UGT1A5: variants seen among roughly 807,000 people sequenced by gnomAD.
UGT1A5 encodes UDP glucuronosyltransferase family 1 member A5, also known as UDP-glucuronosyltransferase 1A5.
A neutral mutation model predicts 40.3 loss-of-function variants in UGT1A5; 29 were observed. That is an observed-to-expected ratio of 0.72 (90% CI 0.54 to 0.98). The LOEUF (loss-of-function observed/expected upper bound fraction) is 0.98, where lower values mean the gene tolerates loss of function less well. Among genes scored for constraint, UGT1A5 ranks in the 50% least tolerant of loss-of-function variants. The pLI, the probability that UGT1A5 is intolerant of heterozygous loss-of-function variation, is 0.00. For missense variants in UGT1A5, 678 were observed against 677.9 expected, an observed-to-expected ratio of 1.00 and a Z score of 0.00; for synonymous variants, 257 against 262.5, an observed-to-expected ratio of 0.98 and a Z score of 0.20.
chr2:233,722,527 A>G (rs1427229559), intron 1 of UGT1A5, among the ~76,000 whole-genome samples: 1 of 152,148 alleles, frequency 6.6e-6, no homozygotes, highest in African/African-American at 2.4e-5. Context: ...TTTTTGCCTT[A>G]ATGATTTCAT....
At chr2:233,738,209 A>G (rs1479952122) in intron 1 of UGT1A5, among the ~76,000 whole-genome samples, 2 of 152,090 alleles carry the variant, frequency 1.3e-5, no homozygotes, top group Admixed American at 6.5e-5. Flanking sequence ...ACTTTCTGCC[A>G]GGATTATAAG....
At chr2:233,761,013 G>A in intron 1 of UGT1A5, 1 of 1,614,176 alleles carries the variant, frequency 6.2e-7, no homozygotes, top group Non-Finnish European at 8.5e-7. Flanking sequence ...AGAGAGAGGT[G>A]ACTGTCCAGG....
intron 1 of UGT1A5, chr2:233,719,191 T>A (rs1353737147): frequency 6.2e-7 from 1 of 1,614,228 alleles, no homozygotes; most frequent in Admixed American, 1.7e-5. Context: ...TCTTTGGCCC[T>A]TCATAGGTGT....
At chr2:233,724,012 T>G (rs1202631633) in intron 1 of UGT1A5, among the ~76,000 whole-genome samples, 1 of 75,726 alleles carries the variant, frequency 1.3e-5, no homozygotes, top group East Asian at 3.2e-4. Context: ...AAGCCGCCAT[T>G]GTCATCCTGG....
At position 233,750,642 on chromosome 2, in the gene UGT1A5, C is replaced by G. The variant is rs1227116452; in HGVS notation, c.868-16392C>G. 2.7e-5 allele frequency: 4 copies of G among 149,396 alleles called. 1 individual carries two copies. The highest frequency in any genetic ancestry group is 1.0e-4 in the African/African-American group (4 of 38,716). 9.3% of individuals were successfully genotyped at this position (149,396 alleles called of 1,614,324 possible). On this transcript the variant is annotated intron_variant, in intron 1 of 4. Transcript: ENST00000373414. ...GGGTCCATGCTCCCCCTGCTGTGTGCAGCCTCAGGACTTGGTGCCCTGTGT... is the reference window on the plus strand; with the variant it reads ...GGGTCCATGCTCCCCCTGCTGTGTGGAGCCTCAGGACTTGGTGCCCTGTGT...
rs34150486 is a variant in UGT1A5, at chr2:233,743,623, G to A, written c.868-23411G>A. 20 of 1,367,332 alleles carry A rather than the reference G, an allele frequency of 1.5e-5. No homozygotes were observed. In the South Asian group the frequency reaches 1.8e-4, roughly 12 times the overall value. 84.7% of individuals were successfully genotyped at this position (1,367,332 alleles called of 1,614,324 possible). A position where few individuals can be genotyped will look rare whatever the true frequency, so the allele number is the denominator to read the frequency against. ...GGCCGCCGAAGAACTCCCTGAAGAC[G>A]TCGGCTGGGTCGCGGAAGCTGAAGA... On this transcript the variant is annotated intron_variant, in intron 1 of 4. Transcript: ENST00000373414.
chr2:233,741,046 C>A (rs1691547003), intron 1 of UGT1A5, among the ~76,000 whole-genome samples: 1 of 151,736 alleles, frequency 6.6e-6, no homozygotes, highest in African/African-American at 2.4e-5. Context: ...ATGATCTTGC[C>A]TAGGTAACAG....
chr2:233,764,438 T>C (rs1160972363), intron 1 of UGT1A5, among the ~76,000 whole-genome samples: 2 of 152,224 alleles, frequency 1.3e-5, no homozygotes, highest in Non-Finnish European at 2.9e-5. Context: ...GATGAACTTT[T>C]GTGCCATTTA....
intron 1 of UGT1A5, chr2:233,748,001 G>A: frequency 6.2e-7 from 1 of 1,613,512 alleles, no homozygotes; most frequent in Non-Finnish European, 8.5e-7. Context: ...ACTTTGTGAT[G>A]GATTACCCCA....
rs1467749451 is a variant in UGT1A5, at chr2:233,713,866, T to C, written c.867+8T>C. The C allele has an allele frequency of 2.5e-6, 4 of 1,613,892 alleles. No individual in the cohort carries two copies. Among genetic ancestry groups the C allele is most frequent in the Non-Finnish European group, 3.4e-6 (4 of 1,179,936 alleles). On this transcript the variant is annotated splice_region_variant and intron_variant, in intron 1 of 4. Transcript: ENST00000373414. ...GGGAAGCCACTATCTCAGGTCTGTA[T>C]TGGTGCCTTTATCCAATCAATGTTC...
In UGT1A5 at chr2:233,772,560, G is replaced by A. The variant is rs773424672; in HGVS notation, c.*1G>A. On this transcript the variant is annotated 3_prime_UTR_variant, in exon 5 of 5. Coordinates refer to ENST00000373414, the MANE Select transcript of UGT1A5 (RefSeq NM_019078.2). Reference sequence around the variant, plus strand: ...AGCCCACAAATCCAAGACCCATTGAGAAGTGGGTGGGAAATAAGGTAAAAT... The same window carrying A: ...AGCCCACAAATCCAAGACCCATTGAAAAGTGGGTGGGAAATAAGGTAAAAT... 4 of 1,613,722 alleles carry A rather than the reference G, an allele frequency of 2.5e-6. No homozygotes were observed. The South Asian group carries it at 3.3e-5, about 13-fold the overall frequency.
intron 1 of UGT1A5, chr2:233,756,054 A>G (rs530980162): frequency 6.6e-6 from 1 of 152,352 alleles, no homozygotes; most frequent in East Asian, 1.9e-4. Flanking sequence ...ACTCCACTGT[A>G]CACTTGTGGG....
chr2:233,762,662 A>G (rs1559409315), intron 1 of UGT1A5, among the ~76,000 whole-genome samples: 1 of 152,070 alleles, frequency 6.6e-6, no homozygotes, highest in Non-Finnish European at 1.5e-5. Flanking sequence ...TTTGTAGTTT[A>G]AAAAACATTT....
chr2:233,724,170 C>G (rs1159618034), intron 1 of UGT1A5, among the ~76,000 whole-genome samples: 4 of 122,852 alleles, frequency 3.3e-5, no homozygotes, highest in Admixed American at 7.6e-5. Flanking sequence ...GCTGACCCCC[C>G]CATCTCCCTC....
intron 1 of UGT1A5, chr2:233,760,635 A>G (rs1697508597): frequency 6.2e-7 from 1 of 1,614,006 alleles, no homozygotes; most frequent in African/African-American, 1.3e-5. Context: ...ACAAGAAAAT[A>G]AAAAAGGACT....
Position 233,769,754 on chromosome 2 carries a change from C to T in UGT1A5, c.1307+1315C>T. On this transcript the variant is annotated intron_variant, in intron 4 of 4. Coordinates refer to ENST00000373414, the MANE Select transcript of UGT1A5 (RefSeq NM_019078.2). The surrounding 1 kb of genome is among the most constrained non-coding windows in gnomAD (Gnocchi z 4.4). ...CCTGTAGTCCCAGCCACTCTGGAGGCTAAGGCGGGAGGATTGCTTGAGCCC... is the reference window on the plus strand; with the variant it reads ...CCTGTAGTCCCAGCCACTCTGGAGGTTAAGGCGGGAGGATTGCTTGAGCCC... The T allele has an allele frequency of 7.0e-7, 1 of 1,426,418 alleles. No homozygotes were observed. Among genetic ancestry groups the T allele is most frequent in the African/African-American group, 1.4e-5 (1 of 70,050 alleles). The allele number at this position is 1,426,418 out of a possible 1,614,324, so 88.4% of individuals were successfully genotyped here.
At chr2:233,729,011 T>C (rs1409694285) in intron 1 of UGT1A5, 2 of 1,584,574 alleles carry the variant, frequency 1.3e-6, no homozygotes, top group African/African-American at 1.3e-5. Context: ...CACTCTGTCT[T>C]CCAATTACAC....
intron 1 of UGT1A5, chr2:233,753,510 T>G (rs1695226530): frequency 6.6e-6 from 1 of 152,246 alleles, no homozygotes; most frequent in Non-Finnish European, 1.5e-5. Context: ...GCCTGTCTAG[T>G]TGTTGCCCTT....
intron 1 of UGT1A5, chr2:233,761,045 T>A (rs1315871466): frequency 1.9e-6 from 3 of 1,614,220 alleles, no homozygotes; most frequent in Non-Finnish European, 1.7e-6. Flanking sequence ...TCTGCATCTG[T>A]CTGGCTGTTT....
Sources: gnomAD v4.1 joint callset for allele counts (sites outside exome capture counted in the v4.1 genomes callset) on GRCh38, gnomAD v4.1.1 for gene constraint, Gnocchi (gnomAD v3.1) non-coding constraint, MANE v1.5 for transcripts, NCBI Gene and HGNC (gene_info 2026-07-23, HGNC 2026-07-21) for gene names.